The following SIRT1 variants were observed in gnomAD, a reference collection of about 807,000 sequenced individuals.
The protein encoded by SIRT1 is sirtuin 1, also known as NAD-dependent protein deacetylase sirtuin-1.
A neutral mutation model predicts 67.9 loss-of-function variants in SIRT1; 24 were observed. The ratio of observed to expected loss-of-function variants is 0.35; its 90% CI spans 0.26 to 0.50. The LOEUF (loss-of-function observed/expected upper bound fraction) is 0.50, where lower values mean the gene tolerates loss of function less well. Among genes scored for constraint, SIRT1 ranks in the 20% least tolerant of loss-of-function variants. SIRT1 has a pLI of 0.98. For synonymous variants in SIRT1, 378 were observed against 350.7 expected, an observed-to-expected ratio of 1.08 and a Z score of -0.87; for missense variants, 873 against 937.2, an observed-to-expected ratio of 0.93 and a Z score of 0.89.
intron 7 of SIRT1, among the ~76,000 whole-genome samples, chr10:67,911,847 C>T (rs1311641454): frequency 3.7e-5 from 5 of 135,258 alleles, no homozygotes; most frequent in Non-Finnish European, 6.2e-5. Flanking sequence ...GGCATGATCT[C>T]GGCTCACTGC....
intron 4 of SIRT1, among the ~76,000 whole-genome samples, chr10:67,895,232 C>T (rs1341685753): frequency 6.6e-6 from 1 of 152,022 alleles, no homozygotes; most frequent in Non-Finnish European, 1.5e-5. Flanking sequence ...CCAGCCTGGC[C>T]AACACAGCAA....
chr10:67,888,221 G>A (rs1842516906), intron 2 of SIRT1, among the ~76,000 whole-genome samples: 1 of 152,072 alleles, frequency 6.6e-6, no homozygotes, highest in African/African-American at 2.4e-5. Flanking sequence ...TCTTGAAAGT[G>A]GATCTTTTTG....
rs964485281 is a variant in SIRT1 at position 67,884,909 on chromosome 10, C to T, written c.188C>T (p.Ala63Val). The T allele has an allele frequency of 3.3e-6, 4 of 1,222,138 alleles. No homozygotes were observed. Among genetic ancestry groups the T allele is most frequent in the Non-Finnish European group, 3.1e-6 (3 of 982,312 alleles). 75.7% of individuals were successfully genotyped at this position (1,222,138 alleles called of 1,614,324 possible). A position where few individuals can be genotyped will look rare whatever the true frequency, so the allele number is the denominator to read the frequency against. ...GAAPEREVPAAARGCPGAAAA... is the reference protein window; with the variant it reads ...GAAPEREVPAVARGCPGAAAA... ...GCCCCAGAGCGTGAGGTGCCGGCGG[C>T]GGCCAGGGGCTGCCCGGGTGCGGCG... The change falls in exon 1 of 9, where the codon GCG becomes GTG. Residue 63 changes from alanine (A) to valine (V), a missense_variant. Around this residue, in one of 3 missense-constraint regions of SIRT1, gnomAD observed 327 missense variants for 283.9 expected, o/e 1.15. Transcript: ENST00000212015.
chr10:67,912,544 A>G lies in SIRT1; in HGVS notation c.1428A>G (p.Val476=). 1.2e-6 allele frequency: 2 copies of G among 1,614,040 alleles called. No homozygotes were observed. The highest frequency in any genetic ancestry group is 1.7e-6 in the Non-Finnish European group (2 of 1,179,974). ...CTTTGCCTCATCTGCATTTTGATGT[A>G]GAGCTTCTTGGAGACTGTGATGTCA... ...REPLPHLHFD[V]ELLGDCDVII... Residue 476 remains valine (V), a synonymous_variant, in exon 8 of 9, where the codon GTA becomes GTG. Coordinates refer to ENST00000212015, the MANE Select transcript of SIRT1 (RefSeq NM_012238.5).
chr10:67,904,768 C>T (rs1042251736), intron 4 of SIRT1, among the ~76,000 whole-genome samples: 3 of 150,880 alleles, frequency 2.0e-5, no homozygotes, highest in African/African-American at 4.9e-5. Context: ...CACTTGAACC[C>T]GGGAGGTGGA....
chr10:67,887,529 G>A lies in SIRT1; in HGVS notation c.543G>A (p.Arg181=), dbSNP rs777980467. 1 of 1,590,262 alleles carries A rather than the reference G, an allele frequency of 6.3e-7. No homozygotes were observed. The highest frequency in any genetic ancestry group is 1.7e-5 in the Admixed American group (1 of 59,966). The change falls in exon 2 of 9, where the codon CGG becomes CGA. Residue 181 remains arginine (R), a synonymous_variant. Transcript: ENST00000212015. The part of the protein sequence containing the change: ...ASSSDWTPRP[R]IGPYTFVQQH... Reference sequence around the variant, plus strand: ...CTAGTGACTGGACTCCAAGGCCACGGATAGGTATGGCTCAGAGCTGTTAAT... The same window carrying A: ...CTAGTGACTGGACTCCAAGGCCACGAATAGGTATGGCTCAGAGCTGTTAAT...
chr10:67,889,462 A>G (rs2236319), intron 3 of SIRT1, among the ~76,000 whole-genome samples: 11,480 of 152,216 alleles, frequency 0.075, 713 homozygotes, highest in East Asian at 0.3. Flanking sequence ...GAAATTGGGT[A>G]TTTGTTAGAT....
intron 4 of SIRT1, among the ~76,000 whole-genome samples, chr10:67,897,020 G>A (rs1016257891): frequency 2.0e-5 from 3 of 151,860 alleles, no homozygotes; most frequent in Non-Finnish European, 4.4e-5. Context: ...GCCAGACGTG[G>A]TGGTGCACAC....
intron 7 of SIRT1, among the ~76,000 whole-genome samples, chr10:67,911,045 C>G (rs747187900): frequency 1.3e-5 from 2 of 152,106 alleles, no homozygotes; most frequent in Admixed American, 6.6e-5. Flanking sequence ...TAGCAGTTAA[C>G]TCAGTCTTAC....
chr10:67,889,263 A>G (rs955659908), intron 3 of SIRT1, 140 bp downstream of exon 3: 1 of 921,288 alleles, frequency 1.1e-6, no homozygotes, highest in Admixed American at 2.6e-5. Context: ...TGAGTGCAGC[A>G]GCAGTTGCTA....
At position 67,884,683 on chromosome 10, in the gene SIRT1, G is replaced by T; in HGVS notation, c.-39G>T. On this transcript the variant is annotated 5_prime_UTR_variant, in exon 1 of 9. Coordinates refer to ENST00000212015, the MANE Select transcript of SIRT1 (RefSeq NM_012238.5). ...CAGTGCCGCGCGTCGAGCGGGAGCA[G>T]AGGAGGCGAGGGAGGAGGGCCAGAG... is the stretch of plus-strand genomic sequence containing the variant. 8.1e-7 allele frequency: 1 copy of T among 1,227,198 alleles called. No homozygotes were observed. The highest frequency in any genetic ancestry group is 4.2e-5 in the South Asian group (1 of 23,902). The allele number at this position is 1,227,198 out of a possible 1,614,324, so 76.0% of individuals were successfully genotyped here.
At chr10:67,904,242 C>G (rs145370853) in intron 4 of SIRT1, among the ~76,000 whole-genome samples, 6 of 151,530 alleles carry the variant, frequency 4.0e-5, no homozygotes, top group South Asian at 2.1e-4. Context: ...ATCCTCCCAC[C>G]TCAGCCTTCT....
At position 67,891,440 on chromosome 10, in the gene SIRT1, G is replaced by A. The variant is rs768241874; in HGVS notation, c.828G>A (p.Arg276=). The A allele has an allele frequency of 3.7e-6, 6 of 1,613,958 alleles. No homozygotes were observed. In the African/African-American group the frequency reaches 5.3e-5, roughly 14 times the overall value. ...VSCGIPDFRS[R]DGIYARLAVD... ...GTGGAATACCTGACTTCAGGTCAAGGGATGGTATTTATGCTCGCCTTGCTG... is the reference window on the plus strand; with the variant it reads ...GTGGAATACCTGACTTCAGGTCAAGAGATGGTATTTATGCTCGCCTTGCTG... The change falls in exon 4 of 9, where the codon AGG becomes AGA. Residue 276 remains arginine (R), a synonymous_variant. Coordinates refer to ENST00000212015, the MANE Select transcript of SIRT1 (RefSeq NM_012238.5).
chr10:67,905,371 ACTCT>A (rs1197446673), intron 4 of SIRT1, among the ~76,000 whole-genome samples: 3 of 152,256 alleles, frequency 2.0e-5, no homozygotes, highest in South Asian at 2.1e-4. Context: ...TACTATATGC[ACTCT>A]CTATTTCTTA....
chr10:67,914,694 A>G (rs1276990815), intron 8 of SIRT1, among the ~76,000 whole-genome samples: 6 of 151,990 alleles, frequency 3.9e-5, no homozygotes, highest in Non-Finnish European at 8.8e-5. Context: ...AACCTGGAAC[A>G]GTCATTTTTT....
chr10:67,898,874 T>G (rs1842699817), intron 4 of SIRT1, among the ~76,000 whole-genome samples: 1 of 152,168 alleles, frequency 6.6e-6, no homozygotes, highest in African/African-American at 2.4e-5. Context: ...TGCTTTCAAT[T>G]TGTAGTATAT....
At chr10:67,914,822 C>T (rs1209270929) in intron 8 of SIRT1, among the ~76,000 whole-genome samples, 1 of 151,888 alleles carries the variant, frequency 6.6e-6, no homozygotes, top group Non-Finnish European at 1.5e-5. Context: ...ATTCTCCTGC[C>T]TCACTCTCCA....
chr10:67,897,717 C>T (rs1167024569), intron 4 of SIRT1, among the ~76,000 whole-genome samples: 5 of 151,852 alleles, frequency 3.3e-5, no homozygotes, highest in African/African-American at 9.6e-5. Flanking sequence ...ACGCTGGTCT[C>T]GAACTCCTGA....
intron 3 of SIRT1, among the ~76,000 whole-genome samples, chr10:67,889,997 G>A (rs1448517965): frequency 6.9e-6 from 1 of 144,484 alleles, no homozygotes; most frequent in African/African-American, 2.6e-5. Flanking sequence ...TCTTTTTTTT[G>A]GATACAGGGT....
Sources: gnomAD v4.1 joint callset for allele counts (sites outside exome capture counted in the v4.1 genomes callset) on GRCh38, gnomAD v4.1.1 for gene constraint, gnomAD v4.1.1 regional missense constraint, MANE v1.5 for transcripts, NCBI Gene and HGNC (gene_info 2026-07-23, HGNC 2026-07-21) for gene names.